Variants in DLGAP2 observed in about 807,000 individuals in gnomAD.
DLGAP2 encodes the protein disks large-associated protein 2.
In DLGAP2, 26 loss-of-function variants were observed where a neutral mutation model predicts 100.3. That is an observed-to-expected ratio of 0.26 (90% CI 0.19 to 0.36). The LOEUF (loss-of-function observed/expected upper bound fraction) is 0.36. Among genes scored for constraint, DLGAP2 ranks in the 10% least tolerant of loss-of-function variants. The probability of loss-of-function intolerance (pLI) is 1.00; values close to 1 mark genes in which losing one functional copy is unlikely to be tolerated. For missense variants in DLGAP2, 1,858 were observed against 1,453.2 expected (o/e 1.28, Z -4.53); for synonymous variants, 886 against 630.1 (o/e 1.41, Z -6.08).
chr8:896,318 G>A (rs1349345489), intron 1 of DLGAP2, among the ~76,000 whole-genome samples: 1 of 151,624 alleles, frequency 6.6e-6, no homozygotes, highest in Admixed American at 6.6e-5. Context: ...AGGAGAGGAT[G>A]TAGGGTTTTG....
intron 2 of DLGAP2, among the ~76,000 whole-genome samples, chr8:1,056,762 T>C (rs914941894): frequency 3.3e-5 from 5 of 152,248 alleles, no homozygotes; most frequent in Non-Finnish European, 5.9e-5. Context: ...TTAATTTTGA[T>C]CTCAGTTTCT....
chr8:1,006,965 G>A (rs1426379273), intron 2 of DLGAP2, among the ~76,000 whole-genome samples: 7 of 146,640 alleles, frequency 4.8e-5, no homozygotes, highest in Non-Finnish European at 6.0e-5. Context: ...CGGGGACACC[G>A]TGTGTCTCAA....
At chr8:1,058,318 C>G (rs972867822) in intron 2 of DLGAP2, among the ~76,000 whole-genome samples, 1 of 152,170 alleles carries the variant, frequency 6.6e-6, no homozygotes, top group Non-Finnish European at 1.5e-5. Context: ...AGAATAAGCC[C>G]GAATTTCTGT....
At chr8:758,265 C>T (rs974178610) in intron 1 of DLGAP2, among the ~76,000 whole-genome samples, 9 of 152,268 alleles carry the variant, frequency 5.9e-5, no homozygotes, top group African/African-American at 1.2e-4. Flanking sequence ...GGCAAAAACT[C>T]GGTAGTGCCA....
chr8:1,459,969 G>C (rs909202409), intron 3 of DLGAP2, among the ~76,000 whole-genome samples: 1 of 152,162 alleles, frequency 6.6e-6, no homozygotes, highest in Non-Finnish European at 1.5e-5. Flanking sequence ...TACTCACAGA[G>C]GTTCGGGACC....
chr8:1,191,251 A>AG (rs1228555377), intron 2 of DLGAP2, among the ~76,000 whole-genome samples: 1 of 123,240 alleles, frequency 8.1e-6, no homozygotes, highest in Non-Finnish European at 1.7e-5. Context: ...GGCTCACTGC[A>AG]GCTCCACCTC....
At chr8:1,015,836 CGAT>C (rs770683340) in intron 2 of DLGAP2, among the ~76,000 whole-genome samples, 3 of 94 alleles carry the variant, frequency 0.032, no homozygotes, top group Admixed American at 0.2. Flanking sequence ...CCAGGACAGA[CGAT>C]GCCTCCACTG....
intron 2 of DLGAP2, among the ~76,000 whole-genome samples, chr8:1,100,268 A>C (rs988451326): frequency 1.3e-5 from 2 of 151,280 alleles, no homozygotes; most frequent in Admixed American, 6.6e-5. Flanking sequence ...TGTAGGGAAA[A>C]CCTTTGTCCA....
rs145156856 is a variant in DLGAP2 at position 787,467 on chromosome 8, T to C, written c.18+49642T>C. ...AAGAGAGCGCCCTTCTCCACGCCTG[T>C]GCCTGTTTTGAAGGAAGGATGGTCC... is the stretch of plus-strand genomic sequence containing the variant. On this transcript the variant is annotated intron_variant, in intron 1 of 14. Transcript: ENST00000637795. 4.0e-3 allele frequency among the ~76,000 whole-genome samples: 604 copies of C among 152,326 alleles called. 9 individuals are homozygous for C. The highest frequency in any genetic ancestry group is 2.8e-3 in the Non-Finnish European group (191 of 68,016).
chr8:1,027,340 C>T (rs12679023), intron 2 of DLGAP2, among the ~76,000 whole-genome samples: 3,372 of 151,316 alleles, frequency 0.022, 172 homozygotes, highest in East Asian at 0.12. Flanking sequence ...ACCCATTCTC[C>T]AGGTGTGGTA....
intron 10 of DLGAP2, among the ~76,000 whole-genome samples, chr8:1,672,757 A>C (rs1407550869): frequency 6.6e-6 from 1 of 152,234 alleles, no homozygotes; most frequent in African/African-American, 2.4e-5. Context: ...CCTCACAGGC[A>C]GGGCCGGCCA....
intron 1 of DLGAP2, among the ~76,000 whole-genome samples, chr8:890,100 G>A (rs2128995347): frequency 6.6e-6 from 1 of 152,260 alleles, no homozygotes; most frequent in Non-Finnish European, 1.5e-5. Context: ...TTTGATGAGA[G>A]AACCTGGATA....
rs193241371 is a variant in DLGAP2, at chr8:1,144,386, T to G, written c.74-114465T>G. 1.6e-4 allele frequency among the ~76,000 whole-genome samples: 24 copies of G among 152,348 alleles called. No individual in the cohort carries two copies. The East Asian group carries it at 4.6e-3, about 29-fold the overall frequency. On this transcript the variant is annotated intron_variant, in intron 2 of 14. Coordinates refer to ENST00000637795, the MANE Select transcript of DLGAP2 (RefSeq NM_001346810.2). ...TAGTGGAATTGTGCTTTAGAAAGAA[T>G]GCTGTAAGAAATCCAGAAGCTGTGA...
intron 2 of DLGAP2, among the ~76,000 whole-genome samples, chr8:1,186,011 C>G (rs1275999575): frequency 1.3e-5 from 2 of 152,190 alleles, no homozygotes; most frequent in Non-Finnish European, 2.9e-5. Context: ...TGCCCTGTCC[C>G]TGTGTTCATG....
At position 1,549,097 on chromosome 8, in the gene DLGAP2, C is replaced by T. The variant is rs758266310; in HGVS notation, c.644C>T (p.Thr215Met). Residue 215 changes from threonine to methionine, a missense_variant, in exon 5 of 15, where the codon ACG (threonine) becomes ATG (methionine). By Grantham distance (81) the Thr-to-Met change is moderately conservative (BLOSUM62 -1). Transcript: ENST00000637795. Reference sequence around the variant, plus strand: ...TTCCACACGCTGCAGTACCAGAGGACGTCCGCGGCCGCCGAGCAGCGCAGC... The same window carrying T: ...TTCCACACGCTGCAGTACCAGAGGATGTCCGCGGCCGCCGAGCAGCGCAGC... The part of the protein sequence containing the change: ...DGFHTLQYQR[T>M]SAAAEQRSES... 4 of 1,582,038 alleles carry T rather than the reference C, an allele frequency of 2.5e-6. No homozygotes were observed. Among genetic ancestry groups the T allele is most frequent in the Admixed American group, 3.6e-5 (2 of 55,404 alleles).
At chr8:1,693,965 C>T (rs755652140) in intron 13 of DLGAP2, among the ~76,000 whole-genome samples, 5 of 152,104 alleles carry the variant, frequency 3.3e-5, no homozygotes, top group Admixed American at 1.3e-4. Context: ...TATGCAGACT[C>T]GGGTGAGCCT....
chr8:1,504,176 A>T (rs929466082), intron 4 of DLGAP2, among the ~76,000 whole-genome samples: 1 of 150,914 alleles, frequency 6.6e-6, no homozygotes, highest in Non-Finnish European at 1.5e-5. Context: ...GGACTTGGCC[A>T]TTGTCGTCTT....
At chr8:1,124,747 C>G (rs943155079) in intron 2 of DLGAP2, among the ~76,000 whole-genome samples, 4 of 152,214 alleles carry the variant, frequency 2.6e-5, no homozygotes, top group African/African-American at 9.6e-5. Context: ...TTGCTGTCAT[C>G]TGAAATGCCA....
Position 1,548,717 on chromosome 8 carries a change from G to C in DLGAP2, c.264G>C (p.Arg88=), listed in dbSNP as rs764189717. The C allele has an allele frequency of 5.6e-6, 9 of 1,606,812 alleles. No homozygotes were observed. The South Asian group carries it at 8.9e-5, about 16-fold the overall frequency. ...PRSMKGLSGS[R]TQPPLCSGHT... Reference sequence around the variant, plus strand: ...GCATGAAGGGCCTTTCCGGAAGTCGGACCCAGCCGCCGCTGTGTTCCGGGC... The same window carrying C: ...GCATGAAGGGCCTTTCCGGAAGTCGCACCCAGCCGCCGCTGTGTTCCGGGC... Residue 88 remains arginine (R), a synonymous_variant, in exon 5 of 15, where the codon CGG becomes CGC. Coordinates refer to ENST00000637795, the MANE Select transcript of DLGAP2 (RefSeq NM_001346810.2).
Sources: gnomAD v4.1 joint callset for allele counts (sites outside exome capture counted in the v4.1 genomes callset) on GRCh38, gnomAD v4.1.1 for gene constraint, MANE v1.5 for transcripts, NCBI Gene and HGNC (gene_info 2026-07-23, HGNC 2026-07-21) for gene names.